The following TACC2 variants were observed in gnomAD, a reference collection of about 807,000 sequenced individuals.
TACC2 encodes the protein transforming acidic coiled-coil containing protein 2, also known as transforming acidic coiled-coil-containing protein 2.
TACC2 carries 137 observed loss-of-function variants against 227.3 expected under a neutral mutation model. That is an observed-to-expected ratio of 0.60 (90% confidence interval 0.52 to 0.69). The LOEUF is 0.69. Ranked by LOEUF, TACC2 falls within the 30% of genes least tolerant of loss-of-function variation. The pLI is 0.00. For missense variants in TACC2, 3,470 were observed against 3,694.4 expected (o/e 0.94, Z 1.57); for synonymous variants, 1,523 against 1,487.5 (o/e 1.02, Z -0.55).
chr10:122,150,442 C>G lies in TACC2; in HGVS notation c.5834+6736C>G, dbSNP rs1204083228. On this transcript the variant is annotated intron_variant, in intron 7 of 22. Coordinates refer to ENST00000369005, the MANE Select transcript of TACC2 (RefSeq NM_206862.4). This position sits in a 1 kb window ranked among gnomAD's most constrained non-coding sequence, Gnocchi z 4.0. Reference sequence around the variant, plus strand: ...ACCCTCCTCCCCGAGCACGGCTGCCCAGGGACGGCCCTCGGCTTCCACTTG... The same window carrying G: ...ACCCTCCTCCCCGAGCACGGCTGCCGAGGGACGGCCCTCGGCTTCCACTTG... Among the ~76,000 whole-genome samples, 1 of 152,204 alleles carries G rather than the reference C, an allele frequency of 6.6e-6. No individual in the cohort carries two copies. Among genetic ancestry groups the G allele is most frequent in the East Asian group, 1.9e-4 (1 of 5,188 alleles).
At chr10:122,030,138 A>G (rs1362239624) in intron 2 of TACC2, among the ~76,000 whole-genome samples, 8 of 127,000 alleles carry the variant, frequency 6.3e-5, no homozygotes, top group Admixed American at 6.2e-4. Flanking sequence ...GAAACCCTAG[A>G]ATACAAGAAC....
chr10:122,186,997 C>G (rs77605692), intron 7 of TACC2, among the ~76,000 whole-genome samples: 5,963 of 152,188 alleles, frequency 0.039, 431 homozygotes, highest in African/African-American at 0.14. Flanking sequence ...GATCTAGTTA[C>G]AAATCGGTGA....
chr10:122,017,795 TG>T (rs1956844947), intron 1 of TACC2, among the ~76,000 whole-genome samples: 1 of 124,528 alleles, frequency 8.0e-6, no homozygotes, highest in Admixed American at 1.1e-4. Flanking sequence ...TCATCCAGCC[TG>T]AGTGACAGAG....
chr10:122,102,790 G>A (rs1442507040), intron 5 of TACC2, among the ~76,000 whole-genome samples: 1 of 152,174 alleles, frequency 6.6e-6, no homozygotes, highest in Admixed American at 6.5e-5. Flanking sequence ...TGTGCCCTCA[G>A]GGAAAATGCC....
In TACC2 at chr10:122,227,898, C is replaced by T; in HGVS notation, c.7786C>T (p.Pro2596Ser). Residue 2596 changes from proline to serine, a missense_variant, in exon 14 of 23, where the codon CCA (proline) becomes TCA (serine). Coordinates refer to ENST00000369005, the MANE Select transcript of TACC2 (RefSeq NM_206862.4). ...NTAAKNQHPV[P>S]RGLAPNQESH... The stretch of plus-strand genomic sequence containing the variant: ...TGCTGCGAAAAACCAGCATCCTGTC[C>T]CACGAGGACTGGCCCCTAACCAAGA... 6.2e-7 allele frequency: 1 copy of T among 1,614,230 alleles called. No individual in the cohort carries two copies. The highest frequency in any genetic ancestry group is 8.5e-7 in the Non-Finnish European group (1 of 1,180,044).
chr10:122,246,925 C>T (rs1409717435), intron 19 of TACC2: 2 of 152,412 alleles, frequency 1.3e-5, no homozygotes, highest in Non-Finnish European at 2.9e-5. Context: ...GAGCCATTTC[C>T]AGTACCTCTG....
Position 122,158,409 on chromosome 10 carries a change from A to G in TACC2, c.5834+14703A>G, listed in dbSNP as rs555100215. 2.0e-5 allele frequency among the ~76,000 whole-genome samples: 3 copies of G among 152,176 alleles called. No homozygotes were observed. The East Asian group carries it at 5.8e-4, about 29-fold the overall frequency. On this transcript the variant is annotated intron_variant, in intron 7 of 22. Transcript: ENST00000369005. The stretch of plus-strand genomic sequence containing the variant: ...GACTCCATCTCAAAAAAAAAAACAA[A>G]AACAAAAAAGAAAACCCAAAAAACA...
intron 5 of TACC2, among the ~76,000 whole-genome samples, chr10:122,119,914 T>C (rs997165097): frequency 3.7e-5 from 5 of 136,936 alleles, no homozygotes. Context: ...GTGAGACTCC[T>C]TCTCAAAAGA....
At chr10:122,036,686 A>G (rs1960523366) in intron 2 of TACC2, among the ~76,000 whole-genome samples, 1 of 152,018 alleles carries the variant, frequency 6.6e-6, no homozygotes, top group African/African-American at 2.4e-5. Flanking sequence ...TTTTTGGTAG[A>G]TGGACAGTTG....
intron 2 of TACC2, among the ~76,000 whole-genome samples, chr10:122,024,262 A>C (rs1322576344): frequency 6.6e-6 from 1 of 152,056 alleles, no homozygotes; most frequent in South Asian, 2.1e-4. Context: ...ACTACTCAGG[A>C]TGCTGAGGTG....
At chr10:122,078,012 T>G in intron 3 of TACC2, among the ~76,000 whole-genome samples, 1 of 151,826 alleles carries the variant, frequency 6.6e-6, no homozygotes, top group African/African-American at 2.4e-5. Context: ...CTGGCCAATA[T>G]GGTGAAATCC....
chr10:122,002,203 C>T (rs969548676), intron 1 of TACC2, among the ~76,000 whole-genome samples: 4 of 152,208 alleles, frequency 2.6e-5, no homozygotes, highest in African/African-American at 4.8e-5. Context: ...GTACTAATCT[C>T]ATTCATGAAG....
chr10:122,139,458 G>C (rs1467437202), intron 6 of TACC2, among the ~76,000 whole-genome samples: 1 of 152,140 alleles, frequency 6.6e-6, no homozygotes, highest in African/African-American at 2.4e-5. Context: ...TCTGATTTTG[G>C]CTTTGGGGCT....
In TACC2 at chr10:122,086,086, C is replaced by T; in HGVS notation, c.3586C>T (p.Pro1196Ser). The change falls in exon 4 of 23, where the codon CCA (proline) becomes TCA (serine). Residue 1196 changes from proline (P) to serine (S), a missense_variant. Around this residue, in one of 10 missense-constraint regions of TACC2, gnomAD observed 1,924 missense variants for 1,978.3 expected, o/e 0.97. Transcript: ENST00000369005. Reference protein sequence around the residue: ...PMASCQDALLPARELGGIPRS... With the variant: ...PMASCQDALLSARELGGIPRS... The stretch of plus-strand genomic sequence containing the variant: ...GGCCAGCTGCCAGGATGCCTTGCTG[C>T]CAGCCAGAGAGCTGGGTGGGATTCC... 6.2e-7 allele frequency: 1 copy of T among 1,613,792 alleles called. No homozygotes were observed.
intron 1 of TACC2, among the ~76,000 whole-genome samples, chr10:122,007,337 A>G (rs1446099825): frequency 6.6e-6 from 1 of 152,000 alleles, no homozygotes; most frequent in African/African-American, 2.4e-5. Flanking sequence ...TTCTATTTGC[A>G]CGTTTGAATT....
intron 5 of TACC2, among the ~76,000 whole-genome samples, chr10:122,132,082 G>GGAAGGAAGGAAGGAAGAA (rs1555059268): frequency 8.8e-5 from 12 of 136,096 alleles, no homozygotes; most frequent in Middle Eastern, 3.8e-3. Context: ...AAGAAAGAAA[G>GGAAGGAAGGAAGGAAGAA]AGAAAGATCT....
At chr10:122,246,368 C>G (rs1014748280) in intron 19 of TACC2, 1 of 152,194 alleles carries the variant, frequency 6.6e-6, no homozygotes, top group Admixed American at 6.5e-5. Context: ...CCACACCACA[C>G]GGTAACAGTG....
intron 7 of TACC2, among the ~76,000 whole-genome samples, chr10:122,175,725 G>A (rs2093664229): frequency 6.6e-6 from 1 of 152,110 alleles, no homozygotes; most frequent in Non-Finnish European, 1.5e-5. Context: ...CAGGGACCAG[G>A]GAAATATCTT....
In TACC2 at chr10:122,211,151, A is replaced by G. The variant is rs567258547; in HGVS notation, c.6726A>G (p.Ala2242=). ...KTLPLTTAPE[A]GEVTPSDSGG... Reference sequence around the variant, plus strand: ...TGCCTCTTACCACGGCCCCGGAGGCAGGGGAGGTAACCCCATCGGATAGCG... The same window carrying G: ...TGCCTCTTACCACGGCCCCGGAGGCGGGGGAGGTAACCCCATCGGATAGCG... Residue 2242 remains alanine, a synonymous_variant, in exon 9 of 23, where the codon GCA becomes GCG. Coordinates refer to ENST00000369005, the MANE Select transcript of TACC2 (RefSeq NM_206862.4). The G allele has an allele frequency of 5.0e-6, 8 of 1,610,362 alleles. No homozygotes were observed. The East Asian group carries it at 1.6e-4, about 31-fold the overall frequency.
Sources: allele counts gnomAD v4.1 joint callset (sites outside exome capture counted in the v4.1 genomes callset), GRCh38; gene constraint gnomAD v4.1.1; regional missense constraint gnomAD v4.1.1; non-coding constraint Gnocchi (gnomAD v3.1); transcripts MANE v1.5; gene names NCBI Gene and HGNC (gene_info 2026-07-23, HGNC 2026-07-21).